The following CCDC88A variants were observed in gnomAD, a reference collection of about 807,000 sequenced individuals.
The protein encoded by CCDC88A is girdin.
Under a neutral mutation model 234.3 loss-of-function variants are expected in CCDC88A, and 54 were observed. That is an observed-to-expected ratio of 0.23 (90% CI 0.19 to 0.29). The LOEUF is 0.29. Among genes scored for constraint, CCDC88A ranks in the 10% least tolerant of loss-of-function variants. The pLI is 1.00. For synonymous variants in CCDC88A, 753 were observed against 737.8 expected (o/e 1.02, Z -0.33); for missense variants, 1,832 against 2,123.4 (o/e 0.86, Z 2.70).
At chr2:55,369,895 A>ACT (rs1358294003) in intron 5 of CCDC88A, among the ~76,000 whole-genome samples, 3 of 152,058 alleles carry the variant, frequency 2.0e-5, no homozygotes, top group Non-Finnish European at 1.5e-5. Flanking sequence ...CGTACTGTTT[A>ACT]CTCTTGTCTT....
At chr2:55,381,995 T>A (rs886940432) in intron 3 of CCDC88A, among the ~76,000 whole-genome samples, 67 of 152,246 alleles carry the variant, frequency 4.4e-4, no homozygotes, top group Non-Finnish European at 1.0e-4. Flanking sequence ...TTTATCCATG[T>A]TACTAATGAA....
Position 55,401,016 on chromosome 2 carries a change from C to T in CCDC88A, c.165-12130G>A, listed in dbSNP as rs141328304. 2.0e-5 allele frequency among the ~76,000 whole-genome samples: 3 copies of T among 152,174 alleles called. 1 individual carries two copies. The highest frequency in any genetic ancestry group is 4.8e-5 in the African/African-American group (2 of 41,512). The stretch of plus-strand genomic sequence containing the variant: ...TATGAAAAATAATTAACTGGGTAAA[C>T]AGCACCACCATTAAGGGTTATCCAA... On this transcript the variant is annotated intron_variant, in intron 2 of 32. Transcript: ENST00000436346.
intron 12 of CCDC88A, among the ~76,000 whole-genome samples, chr2:55,340,765 T>G (rs367944413): frequency 6.6e-6 from 1 of 152,198 alleles, no homozygotes; most frequent in African/African-American, 2.4e-5. Flanking sequence ...CTTTATAAAT[T>G]TATTCTGTTG....
At chr2:55,356,129 C>T (rs1392413503) in intron 7 of CCDC88A, 1 of 154,390 alleles carries the variant, frequency 6.5e-6, no homozygotes, top group African/African-American at 2.4e-5. Context: ...TGCATTAGCT[C>T]TTTTCCCTAA....
chr2:55,382,523 T>A (rs1020216247), intron 3 of CCDC88A, among the ~76,000 whole-genome samples: 1 of 152,126 alleles, frequency 6.6e-6, no homozygotes, highest in African/African-American at 2.4e-5. Context: ...AACTAAAATT[T>A]GTTTACTTGT....
chr2:55,384,549 G>A (rs1468429796), intron 3 of CCDC88A, among the ~76,000 whole-genome samples: 627 of 47,988 alleles, frequency 0.013, 221 homozygotes, highest in African/African-American at 0.055. Context: ...ACGTATATAT[G>A]TGTATATATA....
At position 55,288,604 on chromosome 2, in the gene CCDC88A, A is replaced by G. The variant is rs978032559; in HGVS notation, c.*2596T>C. 2.6e-5 allele frequency: 4 copies of G among 152,610 alleles called. No individual in the cohort carries two copies. The highest frequency in any genetic ancestry group is 9.7e-5 in the African/African-American group (4 of 41,446). 9.5% of individuals were successfully genotyped at this position (152,610 alleles called of 1,614,324 possible). A position where few individuals can be genotyped will look rare whatever the true frequency, so the allele number is the denominator to read the frequency against. On this transcript the variant is annotated 3_prime_UTR_variant, in exon 33 of 33. Coordinates refer to ENST00000436346, the MANE Select transcript of CCDC88A (RefSeq NM_001365480.1). ...CCTTGCATGAAAGGTGCTACATACA[A>G]ACCTGTTTTGTGAACTCTTTGGTAA...
At chr2:55,329,467 T>A (rs1684665829) in intron 16 of CCDC88A, 1 of 152,230 alleles carries the variant, frequency 6.6e-6, no homozygotes, top group South Asian at 2.1e-4. Context: ...TTCACTTTGG[T>A]ATCGGCTGGA....
chr2:55,374,133 G>T (rs1354113842), intron 4 of CCDC88A, among the ~76,000 whole-genome samples: 1 of 152,160 alleles, frequency 6.6e-6, no homozygotes, highest in Non-Finnish European at 1.5e-5. Context: ...CAGCACTTTG[G>T]GAGGCCGAGG....
intron 2 of CCDC88A, among the ~76,000 whole-genome samples, chr2:55,395,883 T>C (rs1163971282): frequency 1.3e-5 from 2 of 152,198 alleles, no homozygotes; most frequent in Non-Finnish European, 2.9e-5. Context: ...AGAGTTTAAA[T>C]GGAAAAGTGA....
Position 55,379,731 on chromosome 2 carries a change from T to C in CCDC88A, c.274-4848A>G, listed in dbSNP as rs565134891. Among the ~76,000 whole-genome samples, 3 of 152,012 alleles carry C rather than the reference T, an allele frequency of 2.0e-5. No homozygotes were observed. In the South Asian group the frequency reaches 6.2e-4, roughly 32 times the overall value. On this transcript the variant is annotated intron_variant, in intron 3 of 32. Coordinates refer to ENST00000436346, the MANE Select transcript of CCDC88A (RefSeq NM_001365480.1). ...TCACCTGAGACCAGCCTGATCAACATGGAGAAACCTTGTCTCTACTAAAAA... is the reference window on the plus strand; with the variant it reads ...TCACCTGAGACCAGCCTGATCAACACGGAGAAACCTTGTCTCTACTAAAAA...
intron 31 of CCDC88A, chr2:55,294,781 C>A: frequency 2.0e-6 from 2 of 1,007,218 alleles, no homozygotes; most frequent in Non-Finnish European, 2.4e-6. Flanking sequence ...AAGTAACAAT[C>A]TTATCAGGCA....
At position 55,295,921 on chromosome 2, in the gene CCDC88A, A is replaced by T. The variant is rs1679977435; in HGVS notation, c.5227T>A (p.Phe1743Ile). 1 of 1,614,072 alleles carries T rather than the reference A, an allele frequency of 6.2e-7. No individual in the cohort carries two copies. Among genetic ancestry groups the T allele is most frequent in the African/African-American group, 1.3e-5 (1 of 74,936 alleles). The change falls in exon 31 of 33, where the codon TTC becomes ATC. Residue 1743 changes from phenylalanine (F) to isoleucine (I), a missense_variant. Physicochemically the swap from Phe to Ile is conservative, Grantham distance 21 (BLOSUM62 0). Coordinates refer to ENST00000436346, the MANE Select transcript of CCDC88A (RefSeq NM_001365480.1). The stretch of plus-strand genomic sequence containing the variant: ...GGCTTAGTTGTCCGTCTATCATAGA[A>T]GTCCCCTGGGGTTTTTCCACTTACT... The part of the protein sequence containing the change: ...RSVSGKTPGD[F>I]YDRRTTKPEF...
intron 6 of CCDC88A, 93 bp from the exon 7 acceptor site, chr2:55,362,541 T>A: frequency 1.0e-6 from 1 of 989,888 alleles, no homozygotes; most frequent in South Asian, 1.9e-5. Flanking sequence ...AAGTATTATA[T>A]AACCCATATA....
chr2:55,384,816 C>T (rs1675327749), intron 3 of CCDC88A, among the ~76,000 whole-genome samples: 1 of 151,628 alleles, frequency 6.6e-6, no homozygotes. Flanking sequence ...ACCACCACAC[C>T]TGGCTAATTT....
intron 17 of CCDC88A, chr2:55,324,140 G>A (rs1683975635): frequency 6.6e-6 from 1 of 150,872 alleles, no homozygotes; most frequent in Non-Finnish European, 1.5e-5. Flanking sequence ...GTAATTTAGA[G>A]CTAATTAAAA....
intron 2 of CCDC88A, among the ~76,000 whole-genome samples, chr2:55,395,102 T>C (rs1202772169): frequency 1.3e-5 from 2 of 152,172 alleles, no homozygotes; most frequent in Non-Finnish European, 2.9e-5. Context: ...TGCCTCAGCC[T>C]CCCAAAATGC....
rs529678418 is a variant in CCDC88A at position 55,332,544 on chromosome 2, G to A, written c.2855+22C>T. ...AAAAAAAAAAAATTTTCAACTGTTT[G>A]CCAAGTAGACTTAGTACTCACCTGT... is the stretch of plus-strand genomic sequence containing the variant. On this transcript the variant is annotated intron_variant, in intron 16 of 32. Coordinates refer to ENST00000436346, the MANE Select transcript of CCDC88A (RefSeq NM_001365480.1). The surrounding 1 kb of genome is among the most constrained non-coding windows in gnomAD (Gnocchi z 4.5). The A allele has an allele frequency of 6.3e-7, 1 of 1,577,590 alleles. No individual in the cohort carries two copies. Among genetic ancestry groups the A allele is most frequent in the South Asian group, 1.2e-5 (1 of 84,228 alleles).
At position 55,289,004 on chromosome 2, in the gene CCDC88A, T is replaced by C. The variant is rs1005870568; in HGVS notation, c.*2196A>G. 6.6e-6 allele frequency: 1 copy of C among 152,570 alleles called. No homozygotes were observed. The highest frequency in any genetic ancestry group is 2.4e-5 in the African/African-American group (1 of 41,472). 9.5% of individuals were successfully genotyped at this position (152,570 alleles called of 1,614,324 possible). A position where few individuals can be genotyped will look rare whatever the true frequency, so the allele number is the denominator to read the frequency against. ...GTGTGATGAATATAATTGAGATTAT[T>C]CATATTTTTGTAGTCTCAATGTGTT... On this transcript the variant is annotated 3_prime_UTR_variant, in exon 33 of 33. Coordinates refer to ENST00000436346, the MANE Select transcript of CCDC88A (RefSeq NM_001365480.1).
Sources: allele counts gnomAD v4.1 joint callset (sites outside exome capture counted in the v4.1 genomes callset), GRCh38; gene constraint gnomAD v4.1.1; non-coding constraint Gnocchi (gnomAD v3.1); transcripts MANE v1.5; gene names NCBI Gene and HGNC (gene_info 2026-07-23, HGNC 2026-07-21).